Variants in ELAVL2 observed in about 807,000 individuals in gnomAD.
ELAVL2 encodes ELAV-like protein 2.
A neutral mutation model predicts 34.6 loss-of-function variants in ELAVL2; 4 were observed. The observed-to-expected ratio is 0.12, with a 90% CI of 0.06 to 0.26. The LOEUF (loss-of-function observed/expected upper bound fraction) is 0.26. ELAVL2 is among the 10% of genes least tolerant of loss of function. The pLI is 1.00. For synonymous variants in ELAVL2, 193 were observed against 154.8 expected (o/e 1.25, Z -1.83); for missense variants, 432 against 442.8 (o/e 0.98, Z 0.22).
chr9:23,838,044 A>G, the ELAVL2 span, among the ~76,000 whole-genome samples: 1 of 152,188 alleles, frequency 6.6e-6, no homozygotes, highest in East Asian at 1.9e-4. Flanking sequence ...ATAAACATAT[A>G]GTAAACAGTT....
the ELAVL2 span, chr9:23,832,465 GA>G: frequency 1.3e-5 from 2 of 152,076 alleles, no homozygotes; most frequent in African/African-American, 4.8e-5. Context: ...TATTTAAATA[GA>G]TTTTTTTCAC....
intron 3 of ELAVL2, among the ~76,000 whole-genome samples, chr9:23,721,323 C>CT (rs1263507369): frequency 2.6e-5 from 4 of 152,204 alleles, no homozygotes; most frequent in Non-Finnish European, 5.9e-5. Flanking sequence ...CTCAATGACT[C>CT]TTTCTAGGAA....
chr9:23,696,473 A>C (rs1009328918), intron 5 of ELAVL2, among the ~76,000 whole-genome samples: 2 of 151,898 alleles, frequency 1.3e-5, no homozygotes, highest in South Asian at 4.2e-4. Context: ...TTTTTATTTT[A>C]TTTATTTATT....
intron 3 of ELAVL2, among the ~76,000 whole-genome samples, chr9:23,715,957 T>G (rs1383191768): frequency 6.6e-6 from 1 of 152,166 alleles, no homozygotes; most frequent in Non-Finnish European, 1.5e-5. Flanking sequence ...CACTTCTTCA[T>G]CCATGATCTG....
chr9:23,835,076 G>T, the ELAVL2 span, among the ~76,000 whole-genome samples: 1 of 152,120 alleles, frequency 6.6e-6, no homozygotes, highest in Non-Finnish European at 1.5e-5. Context: ...TTTCCCGGAT[G>T]TCAGTCTTTC....
chr9:23,707,593 C>G (rs772219257), intron 3 of ELAVL2, among the ~76,000 whole-genome samples: 1 of 152,198 alleles, frequency 6.6e-6, no homozygotes, highest in Non-Finnish European at 1.5e-5. Flanking sequence ...TCACAGGAGG[C>G]AGTGGAAATG....
chr9:23,718,524 T>C (rs1587646940), intron 3 of ELAVL2, among the ~76,000 whole-genome samples: 1 of 152,126 alleles, frequency 6.6e-6, no homozygotes, highest in South Asian at 2.1e-4. Context: ...ACACTGCAGA[T>C]TGCTTATGGC....
chr9:23,849,419 CTGAGGAAGTG>C, the ELAVL2 span: 1 of 152,106 alleles, frequency 6.6e-6, no homozygotes, highest in Non-Finnish European at 1.5e-5. Flanking sequence ...ATGTTGCTAC[CTGAGGAAGTG>C]TGAGGAAGAA....
chr9:23,791,037 A>G (rs564960653), intron 1 of ELAVL2, among the ~76,000 whole-genome samples: 14 of 152,338 alleles, frequency 9.2e-5, no homozygotes, highest in Non-Finnish European at 1.5e-4. Flanking sequence ...TGTTCTGTTT[A>G]AGTGGCTTTT....
At chr9:23,825,058 T>A (rs1427759148) in intron 1 of ELAVL2, among the ~76,000 whole-genome samples, 3 of 152,202 alleles carry the variant, frequency 2.0e-5, no homozygotes, top group Non-Finnish European at 4.4e-5. Context: ...GGATCTTATT[T>A]ACGCTTTTCT....
chr9:23,819,251 A>C (rs988607794), intron 1 of ELAVL2, among the ~76,000 whole-genome samples: 1 of 152,228 alleles, frequency 6.6e-6, no homozygotes, highest in Non-Finnish European at 1.5e-5. Flanking sequence ...TTAACCTACC[A>C]GGAGCTGAGT....
intron 2 of ELAVL2, among the ~76,000 whole-genome samples, chr9:23,760,400 T>C (rs546611835): frequency 1.6e-4 from 25 of 152,184 alleles, no homozygotes; most frequent in African/African-American, 5.8e-4. Flanking sequence ...ATTTGTGTCA[T>C]AGCCCTCAAG....
At chr9:23,841,140 T>A in the ELAVL2 span, among the ~76,000 whole-genome samples, 1 of 152,058 alleles carries the variant, frequency 6.6e-6, no homozygotes, top group East Asian at 1.9e-4. Context: ...TCCTAGTAGA[T>A]CTGGGGTATT....
chr9:23,810,869 C>CACCTTGTGGTAGCT (rs1454977668), intron 1 of ELAVL2, among the ~76,000 whole-genome samples: 1 of 152,192 alleles, frequency 6.6e-6, no homozygotes, highest in Non-Finnish European at 1.5e-5. Flanking sequence ...CTGGTTCCAT[C>CACCTTGTGGTAGCT]ACCTTGTGGT....
At chr9:23,712,209 A>C (rs2041154803) in intron 3 of ELAVL2, among the ~76,000 whole-genome samples, 1 of 152,130 alleles carries the variant, frequency 6.6e-6, no homozygotes, top group South Asian at 2.1e-4. Flanking sequence ...CCAAAGACAC[A>C]AAGAAAAAGA....
chr9:23,790,605 A>G (rs2060216272), intron 1 of ELAVL2, among the ~76,000 whole-genome samples: 1 of 152,212 alleles, frequency 6.6e-6, no homozygotes. Flanking sequence ...AAAAAGTTAA[A>G]GGTTTGACTC....
intron 2 of ELAVL2, among the ~76,000 whole-genome samples, chr9:23,741,732 A>C (rs1236947196): frequency 6.6e-6 from 1 of 151,864 alleles, no homozygotes; most frequent in Non-Finnish European, 1.5e-5. Context: ...GAGCCACTGA[A>C]CAAGACACAC....
At chr9:23,802,076 C>A (rs1450020944) in intron 1 of ELAVL2, among the ~76,000 whole-genome samples, 4 of 152,148 alleles carry the variant, frequency 2.6e-5, no homozygotes, top group African/African-American at 9.7e-5. Flanking sequence ...GGTTAAGATT[C>A]TATACACATC....
At chr9:23,809,158 T>A (rs1216654415) in intron 1 of ELAVL2, among the ~76,000 whole-genome samples, 1 of 152,180 alleles carries the variant, frequency 6.6e-6, no homozygotes, top group Non-Finnish European at 1.5e-5. Context: ...CCCACCTGAC[T>A]GCTTTGTGCA....
Sources: allele counts gnomAD v4.1 joint callset (sites outside exome capture counted in the v4.1 genomes callset), GRCh38; gene constraint gnomAD v4.1.1; transcripts MANE v1.5; gene names NCBI Gene and HGNC (gene_info 2026-07-23, HGNC 2026-07-21).